The following AGAP1 variants were observed in gnomAD, a reference collection of about 807,000 sequenced individuals.
AGAP1 encodes the protein ArfGAP with GTPase domain, ankyrin repeat and PH domain 1, also known as arf-GAP with GTPase, ANK repeat and PH domain-containing protein 1.
Under a neutral mutation model 105.3 loss-of-function variants are expected in AGAP1, and 29 were observed. That is an observed-to-expected ratio of 0.28 (90% CI 0.21 to 0.38). The LOEUF (loss-of-function observed/expected upper bound fraction) is 0.38, where lower values mean the gene tolerates loss of function less well. Ranked by LOEUF, AGAP1 falls within the 10% of genes least tolerant of loss-of-function variation. The pLI, the probability that AGAP1 is intolerant of heterozygous loss-of-function variation, is 1.00. For synonymous variants in AGAP1, 509 were observed against 485.9 expected (o/e 1.05, Z -0.63); for missense variants, 998 against 1,165.1 (o/e 0.86, Z 2.09).
intron 9 of AGAP1, among the ~76,000 whole-genome samples, chr2:235,853,630 T>C (rs2048567714): frequency 1.3e-5 from 2 of 152,202 alleles, no homozygotes; most frequent in African/African-American, 4.8e-5. Flanking sequence ...TATCAGACAA[T>C]ATGACTGAAC....
chr2:235,854,211 A>G (rs1408321014), intron 9 of AGAP1, among the ~76,000 whole-genome samples: 1 of 152,140 alleles, frequency 6.6e-6, no homozygotes, highest in Non-Finnish European at 1.5e-5. Context: ...AAAACCGGTG[A>G]TCAAGTGTTG....
intron 8 of AGAP1, among the ~76,000 whole-genome samples, chr2:235,805,491 T>C (rs2150083610): frequency 6.6e-6 from 1 of 152,322 alleles, no homozygotes; most frequent in African/African-American, 2.4e-5. Context: ...GATTTCCAAA[T>C]TTAGAAATTT....
chr2:235,821,222 A>G (rs1358365500), intron 9 of AGAP1, among the ~76,000 whole-genome samples: 1 of 152,204 alleles, frequency 6.6e-6, no homozygotes, highest in Admixed American at 6.5e-5. Context: ...ACAGCCATTA[A>G]AATGGCCAAT....
intron 9 of AGAP1, among the ~76,000 whole-genome samples, chr2:235,831,030 T>C (rs1559538710): frequency 2.0e-5 from 3 of 152,030 alleles, no homozygotes; most frequent in Non-Finnish European, 4.4e-5. Context: ...TTGCTACTTT[T>C]ATAAGATGTC....
At chr2:236,047,346 C>T (rs2057751794) in intron 15 of AGAP1, among the ~76,000 whole-genome samples, 1 of 151,982 alleles carries the variant, frequency 6.6e-6, no homozygotes, top group African/African-American at 2.4e-5. Flanking sequence ...GGGAGAGGCA[C>T]AGGCGAGGAG....
At chr2:235,924,574 C>T (rs1401660418) in intron 11 of AGAP1, among the ~76,000 whole-genome samples, 2 of 152,196 alleles carry the variant, frequency 1.3e-5, no homozygotes, top group Non-Finnish European at 2.9e-5. Context: ...TTAGCCTGCC[C>T]TAGGTTCCTG....
chr2:235,825,997 C>A (rs1959041307), intron 9 of AGAP1, among the ~76,000 whole-genome samples: 1 of 151,502 alleles, frequency 6.6e-6, no homozygotes, highest in African/African-American at 2.4e-5. Flanking sequence ...ACTATGTACT[C>A]AAAAAATTAA....
At position 235,973,996 on chromosome 2, in the gene AGAP1, G is replaced by A. The variant is rs2054759151; in HGVS notation, c.1645+5373G>A. Among the ~76,000 whole-genome samples the A allele has an allele frequency of 6.6e-6, 1 of 152,150 alleles. No individual in the cohort carries two copies. The highest frequency in any genetic ancestry group is 6.5e-5 in the Admixed American group (1 of 15,278). ...ACTTTCTGGGCATCTTCATATCTCGGGTCCAGTAGTGAGGTTGTCATTGCT... is the reference window on the plus strand; with the variant it reads ...ACTTTCTGGGCATCTTCATATCTCGAGTCCAGTAGTGAGGTTGTCATTGCT... On this transcript the variant is annotated intron_variant, in intron 13 of 17. Coordinates refer to ENST00000304032, the MANE Select transcript of AGAP1 (RefSeq NM_001037131.3). This position sits in a 1 kb window ranked among gnomAD's most constrained non-coding sequence, Gnocchi z 4.7.
chr2:235,827,028 G>A (rs1959108559), intron 9 of AGAP1, among the ~76,000 whole-genome samples: 1 of 152,164 alleles, frequency 6.6e-6, no homozygotes, highest in South Asian at 2.1e-4. Context: ...TCCTAAGCAG[G>A]GCAAGGAGGA....
chr2:236,006,290 T>G (rs1011855821), intron 13 of AGAP1, among the ~76,000 whole-genome samples: 1 of 152,178 alleles, frequency 6.6e-6, no homozygotes, highest in Non-Finnish European at 1.5e-5. Context: ...TTTGTATCTT[T>G]CCTGCCACAA....
chr2:235,807,114 G>A lies in AGAP1; in HGVS notation c.958-125G>A, dbSNP rs918438989. 4 of 860,824 alleles carry A rather than the reference G, an allele frequency of 4.6e-6. No homozygotes were observed. The Admixed American group carries it at 1.0e-4, about 22-fold the overall frequency. 53.3% of individuals were successfully genotyped at this position (860,824 alleles called of 1,614,324 possible). A position where few individuals can be genotyped will look rare whatever the true frequency, so the allele number is the denominator to read the frequency against. On this transcript the variant is annotated intron_variant, in intron 8 of 17. Coordinates refer to ENST00000304032, the MANE Select transcript of AGAP1 (RefSeq NM_001037131.3). The stretch of plus-strand genomic sequence containing the variant: ...AGCTGTCTGCTCGTCGGACGTGTCT[G>A]TGCGCACACATAGATCGCGCATGTT...
intron 9 of AGAP1, among the ~76,000 whole-genome samples, chr2:235,831,242 A>G (rs1030712214): frequency 6.7e-6 from 1 of 149,872 alleles, no homozygotes; most frequent in East Asian, 1.9e-4. Context: ...AGGTCACGGC[A>G]AAGTTGAGCA....
At chr2:236,067,911 CTA>C (rs1439834716) in intron 16 of AGAP1, among the ~76,000 whole-genome samples, 2 of 152,092 alleles carry the variant, frequency 1.3e-5, no homozygotes, top group Non-Finnish European at 2.9e-5. Context: ...CCGTCCTGTG[CTA>C]TCTCATCTGG....
chr2:235,809,671 T>G (rs1015191473), intron 9 of AGAP1, among the ~76,000 whole-genome samples: 1 of 152,180 alleles, frequency 6.6e-6, no homozygotes, highest in Non-Finnish European at 1.5e-5. Context: ...TGCAGACGGT[T>G]GTATCGATCT....
intron 6 of AGAP1, among the ~76,000 whole-genome samples, chr2:235,780,282 A>G (rs988783116): frequency 2.8e-4 from 43 of 152,348 alleles, no homozygotes; most frequent in African/African-American, 9.4e-4. Context: ...GGTAACTGCA[A>G]AAGATATCAT....
At chr2:235,804,488 C>T (rs1292784725) in intron 8 of AGAP1, among the ~76,000 whole-genome samples, 2 of 152,140 alleles carry the variant, frequency 1.3e-5, no homozygotes, top group African/African-American at 4.8e-5. Context: ...CTCCTGGGTA[C>T]CTCCCCTAGT....
chr2:235,521,940 G>A (rs539843925), intron 1 of AGAP1, among the ~76,000 whole-genome samples: 2 of 152,210 alleles, frequency 1.3e-5, no homozygotes, highest in South Asian at 4.1e-4. Flanking sequence ...TCCATAATAA[G>A]TGTGCCACCA....
chr2:235,670,326 C>A (rs976859570), intron 1 of AGAP1: 2 of 479,694 alleles, frequency 4.2e-6, no homozygotes, highest in South Asian at 3.2e-5. Context: ...GCCGAGGAGG[C>A]GGAGGGCGCC....
intron 9 of AGAP1, among the ~76,000 whole-genome samples, chr2:235,812,391 G>A (rs1051480552): frequency 3.3e-5 from 5 of 152,226 alleles, no homozygotes; most frequent in Non-Finnish European, 7.3e-5. Context: ...TCTCAGTTGA[G>A]TAGAAAGAGG....
Sources: gnomAD v4.1 joint callset for allele counts (sites outside exome capture counted in the v4.1 genomes callset) on GRCh38, gnomAD v4.1.1 for gene constraint, Gnocchi (gnomAD v3.1) non-coding constraint, MANE v1.5 for transcripts, NCBI Gene and HGNC (gene_info 2026-07-23, HGNC 2026-07-21) for gene names.